The following DCC variants were observed in gnomAD, a reference collection of about 807,000 sequenced individuals.
DCC encodes DCC netrin 1 receptor.
Under a neutral mutation model 172.5 loss-of-function variants are expected in DCC, and 58 were observed. The observed-to-expected ratio is 0.34, with a 90% CI of 0.27 to 0.42. The LOEUF is 0.42. DCC is among the 10% of genes least tolerant of loss of function. The probability of loss-of-function intolerance (pLI) is 1.00; values close to 1 mark genes in which losing one functional copy is unlikely to be tolerated. For missense variants in DCC, 1,740 were observed against 1,791.0 expected (o/e 0.97, Z 0.51); for synonymous variants, 709 against 644.5 (o/e 1.10, Z -1.52).
intron 1 of DCC, among the ~76,000 whole-genome samples, chr18:52,628,455 G>C (rs1160749560): frequency 6.6e-6 from 1 of 152,154 alleles, no homozygotes; most frequent in African/African-American, 2.4e-5. Flanking sequence ...CAATAAACTT[G>C]GCAGCTGGCT....
intron 6 of DCC, 76 bp downstream of exon 6, chr18:53,063,535 G>GAA (rs57166441): frequency 0.012 from 11,586 of 954,508 alleles, no homozygotes; most frequent in Non-Finnish European, 0.015. Context: ...TTTATTTCTT[G>GAA]AAAAAAAAAA....
chr18:53,180,283 G>A (rs1241393160), intron 9 of DCC, among the ~76,000 whole-genome samples: 7 of 152,100 alleles, frequency 4.6e-5, no homozygotes, highest in East Asian at 1.9e-4. Context: ...TTGAAGGGAC[G>A]GAAGAGGGCT....
At chr18:52,573,343 C>T (rs981209439) in intron 1 of DCC, among the ~76,000 whole-genome samples, 10 of 152,086 alleles carry the variant, frequency 6.6e-5, no homozygotes, top group Admixed American at 6.5e-4. Context: ...CTTGTCTGTC[C>T]TCAGCCTTTA....
chr18:52,380,517 C>A (rs1235952574), intron 1 of DCC, among the ~76,000 whole-genome samples: 2 of 152,058 alleles, frequency 1.3e-5, no homozygotes, highest in African/African-American at 4.8e-5. Flanking sequence ...TCTCTAAACT[C>A]CATTCCCCAC....
At chr18:53,247,252 G>A (rs952345394) in intron 12 of DCC, among the ~76,000 whole-genome samples, 5 of 151,886 alleles carry the variant, frequency 3.3e-5, no homozygotes, top group East Asian at 1.9e-4. Flanking sequence ...GCCAAAATAC[G>A]GTGAGATTCT....
intron 12 of DCC, among the ~76,000 whole-genome samples, chr18:53,221,420 T>A (rs1218419088): frequency 2.6e-5 from 4 of 152,154 alleles, no homozygotes; most frequent in African/African-American, 9.7e-5. Context: ...AATGTCAACT[T>A]TGAAAGGCTG....
Position 53,499,381 on chromosome 18 carries a change from A to G in DCC, c.3982A>G (p.Ser1328Gly). The part of the protein sequence containing the change: ...PEHSSSEEAP[S>G]RTIPTACVRP... ...GCATTCTAGCAGCGAGGAGGCACCA[A>G]GCAGAACCATCCCCACAGCTTGTGT... is the stretch of plus-strand genomic sequence containing the variant. The change falls in exon 27 of 29, where the codon AGC becomes GGC. Residue 1328 changes from serine (S) to glycine (G), a missense_variant. This residue lies in a region of DCC where 1,732 missense variants were observed against 1,767.4 expected (regional missense o/e 0.98). Transcript: ENST00000442544. 1 of 1,614,112 alleles carries G rather than the reference A, an allele frequency of 6.2e-7. No homozygotes were observed. Among genetic ancestry groups the G allele is most frequent in the Non-Finnish European group, 8.5e-7 (1 of 1,180,010 alleles).
chr18:53,281,127 A>G (rs2056866289), intron 12 of DCC, among the ~76,000 whole-genome samples: 1 of 152,142 alleles, frequency 6.6e-6, no homozygotes, highest in Admixed American at 6.6e-5. Context: ...TTAAATGTTT[A>G]TAGCACAATG....
intron 27 of DCC, among the ~76,000 whole-genome samples, chr18:53,519,464 G>T (rs2046375157): frequency 6.6e-6 from 1 of 151,426 alleles, no homozygotes; most frequent in African/African-American, 2.4e-5. Flanking sequence ...CAGAGCCCCA[G>T]TACTGATCCT....
At chr18:52,782,711 G>A (rs28659932) in intron 2 of DCC, among the ~76,000 whole-genome samples, 23 of 151,866 alleles carry the variant, frequency 1.5e-4, no homozygotes, top group African/African-American at 5.6e-4. Flanking sequence ...CAATTGCTCT[G>A]CTCCTGCTTG....
chr18:52,897,988 G>C (rs2039756801), intron 2 of DCC, among the ~76,000 whole-genome samples: 1 of 152,204 alleles, frequency 6.6e-6, no homozygotes, highest in South Asian at 2.1e-4. Flanking sequence ...ACTAATTCTA[G>C]AGAATGTCTC....
At chr18:52,508,556 CAATT>C (rs1214379588) in intron 1 of DCC, among the ~76,000 whole-genome samples, 8 of 152,196 alleles carry the variant, frequency 5.3e-5, no homozygotes, top group South Asian at 2.1e-4. Flanking sequence ...AACAGTAACT[CAATT>C]GATTGGGGCT....
At chr18:52,391,028 G>A (rs971173889) in intron 1 of DCC, among the ~76,000 whole-genome samples, 4 of 151,762 alleles carry the variant, frequency 2.6e-5, no homozygotes, top group Non-Finnish European at 5.9e-5. Context: ...TTTTGTGTGT[G>A]TATGTGTGTA....
At chr18:53,040,030 G>C (rs2042147709) in intron 5 of DCC, among the ~76,000 whole-genome samples, 2 of 151,854 alleles carry the variant, frequency 1.3e-5, no homozygotes, top group African/African-American at 4.8e-5. Flanking sequence ...AGTCGGAGTA[G>C]AAACAGCAAA....
At chr18:53,473,589 G>C (rs2045725111) in intron 25 of DCC, among the ~76,000 whole-genome samples, 2 of 151,978 alleles carry the variant, frequency 1.3e-5, no homozygotes, top group Admixed American at 6.6e-5. Context: ...TTATTCACTT[G>C]GTAAATACCT....
intron 5 of DCC, among the ~76,000 whole-genome samples, chr18:52,948,893 C>T (rs2040591775): frequency 6.6e-6 from 1 of 152,162 alleles, no homozygotes; most frequent in Admixed American, 6.5e-5. Context: ...GTTGCTTGGT[C>T]ACACAGCTAG....
chr18:52,591,338 C>T (rs1322740006), intron 1 of DCC, among the ~76,000 whole-genome samples: 1 of 151,986 alleles, frequency 6.6e-6, no homozygotes, highest in African/African-American at 2.4e-5. Context: ...TTAAAACATA[C>T]AATTAAAATT....
intron 2 of DCC, among the ~76,000 whole-genome samples, chr18:52,816,193 A>C (rs1342884528): frequency 6.6e-6 from 1 of 152,244 alleles, no homozygotes; most frequent in Non-Finnish European, 1.5e-5. Context: ...GGAAATGAGT[A>C]GTAGTGAATG....
intron 5 of DCC, among the ~76,000 whole-genome samples, chr18:52,971,439 A>C (rs1340664548): frequency 6.6e-6 from 1 of 152,004 alleles, no homozygotes; most frequent in African/African-American, 2.4e-5. Flanking sequence ...TTCAGAAAGG[A>C]GTCTGAACAT....
Sources: gnomAD v4.1 joint callset for allele counts (sites outside exome capture counted in the v4.1 genomes callset) on GRCh38, gnomAD v4.1.1 for gene constraint, gnomAD v4.1.1 regional missense constraint, MANE v1.5 for transcripts, NCBI Gene and HGNC (gene_info 2026-07-23, HGNC 2026-07-21) for gene names.